MPC2: variants seen among roughly 807,000 people sequenced by gnomAD.
MPC2 encodes mitochondrial pyruvate carrier 2, also known as brain protein 44.
A neutral mutation model predicts 19.2 loss-of-function variants in MPC2; 19 were observed. The ratio of observed to expected loss-of-function variants is 0.99; its 90% CI spans 0.69 to 1.45. The LOEUF is 1.45. MPC2 is among the 40% of genes most tolerant of loss of function. The pLI, the probability that MPC2 is intolerant of heterozygous loss-of-function variation, is 0.00. For synonymous variants in MPC2, 61 were observed against 54.3 expected, an observed-to-expected ratio of 1.12 and a Z score of -0.54; for missense variants, 122 against 153.0, an observed-to-expected ratio of 0.80 and a Z score of 1.07.
chr1:167,925,496 T>C (rs12744081), intron 2 of MPC2, among the ~76,000 whole-genome samples: 3 of 138,512 alleles, frequency 2.2e-5, no homozygotes, highest in South Asian at 2.3e-4. Context: ...TACACACACA[T>C]ATATATATAC....
chr1:167,931,741 T>G (rs1424746151), intron 2 of MPC2, among the ~76,000 whole-genome samples: 1 of 152,124 alleles, frequency 6.6e-6, no homozygotes, highest in Non-Finnish European at 1.5e-5. Flanking sequence ...ATATTTGCAC[T>G]AAGTTGTATT....
intron 2 of MPC2, among the ~76,000 whole-genome samples, chr1:167,927,044 T>C (rs1271160754): frequency 6.6e-6 from 1 of 152,224 alleles, no homozygotes; most frequent in African/African-American, 2.4e-5. Context: ...CTTTTCTTAA[T>C]CTTCCTTGAC....
chr1:167,920,774 T>C (rs984116930), intron 3 of MPC2, 143 bp from the exon 4 acceptor site: 1 of 842,164 alleles, frequency 1.2e-6, no homozygotes. Flanking sequence ...AAAATGTAGA[T>C]TACAACAAAA....
At chr1:167,926,238 G>A (rs572578818) in intron 2 of MPC2, among the ~76,000 whole-genome samples, 2 of 152,314 alleles carry the variant, frequency 1.3e-5, no homozygotes, top group East Asian at 3.9e-4. Context: ...AACAGCTGGT[G>A]AGAGAATTTA....
chr1:167,936,953 G>A lies in MPC2; in HGVS notation c.-72C>T, dbSNP rs1363302741. The A allele has an allele frequency of 1.9e-6, 3 of 1,610,836 alleles. No individual in the cohort carries two copies. The highest frequency in any genetic ancestry group is 2.5e-6 in the Non-Finnish European group (3 of 1,179,194). On this transcript the variant is annotated 5_prime_UTR_variant, in exon 1 of 6. Coordinates refer to ENST00000271373, the MANE Select transcript of MPC2 (RefSeq NM_001143674.4). The stretch of plus-strand genomic sequence containing the variant: ...CCTACCCACACCTGTTGTGGGACGT[G>A]AGGAAAAGGTCCCTCGGGCTGGAGG...
intron 2 of MPC2, among the ~76,000 whole-genome samples, chr1:167,925,905 A>T (rs1670745689): frequency 6.6e-6 from 1 of 152,172 alleles, no homozygotes; most frequent in African/African-American, 2.4e-5. Context: ...CTGATACTTA[A>T]ATATTGATAA....
chr1:167,925,452 TATATATATATATATATATATATAC>T (rs202065373), intron 2 of MPC2, among the ~76,000 whole-genome samples: 1,331 of 112,538 alleles, frequency 0.012, 29 homozygotes, highest in East Asian at 0.061. Context: ...CATATATATA[TATATATATATATATATATATATAC>T]ATATACATAT....
In MPC2 at chr1:167,918,621, TCTCA is replaced by T. The variant is rs1457215528; in HGVS notation, c.348-266_348-263del. Among the ~76,000 whole-genome samples, 4 of 144,626 alleles carry T rather than the reference TCTCA, an allele frequency of 2.8e-5. No homozygotes were observed. In the Admixed American group the frequency reaches 2.8e-4, roughly 10 times the overall value. 94.9% of individuals were successfully genotyped at this position (144,626 alleles called of 152,430 possible). A position where few individuals can be genotyped will look rare whatever the true frequency, so the allele number is the denominator to read the frequency against. On this transcript the variant is annotated intron_variant, in intron 5 of 5. Transcript: ENST00000271373. The stretch of plus-strand genomic sequence containing the variant: ...TTTTTTTTTTTTTTTTGAGATGGAG[TCTCA>T]CTCTGTCGCCCAGGCTGGAGTGTAG...
intron 2 of MPC2, among the ~76,000 whole-genome samples, chr1:167,927,943 T>C (rs1670801777): frequency 6.6e-6 from 1 of 152,128 alleles, no homozygotes; most frequent in South Asian, 2.1e-4. Flanking sequence ...CAGTAGCCAA[T>C]ACATAAGGCC....
intron 2 of MPC2, among the ~76,000 whole-genome samples, chr1:167,928,040 T>C (rs1670803938): frequency 6.6e-6 from 1 of 151,932 alleles, no homozygotes; most frequent in Non-Finnish European, 1.5e-5. Flanking sequence ...GCAAACAGTG[T>C]TTTCTTAACT....
intron 2 of MPC2, among the ~76,000 whole-genome samples, chr1:167,927,841 A>G (rs1054906630): frequency 6.6e-6 from 1 of 152,244 alleles, no homozygotes; most frequent in Non-Finnish European, 1.5e-5. Flanking sequence ...ACCTGGACCA[A>G]GAGAGGTATT....
At position 167,936,918 on chromosome 1, in the gene MPC2, C is replaced by T. The variant is rs780002986; in HGVS notation, c.-58+21G>A. On this transcript the variant is annotated intron_variant, in intron 1 of 5. Transcript: ENST00000271373. The stretch of plus-strand genomic sequence containing the variant: ...ACCCGGCTCAGGCAGAGCCATGTCT[C>T]GGGGTGGCTCCTACCCACACCTGTT... The T allele has an allele frequency of 2.2e-5, 36 of 1,603,392 alleles. No individual in the cohort carries two copies. In the East Asian group the frequency reaches 3.6e-4, roughly 16 times the overall value.
At chr1:167,918,967 A>G (rs1670536053) in intron 5 of MPC2, among the ~76,000 whole-genome samples, 1 of 152,150 alleles carries the variant, frequency 6.6e-6, no homozygotes, top group South Asian at 2.1e-4. Context: ...AAATATTCTC[A>G]TTCTGGAATT....
rs1421256930 is a variant in MPC2, at chr1:167,917,548, A to C, written c.*775T>G. ...AGGAGGTAGGGTTTGCAGTGAGCCG[A>C]GATTGTGCCACTGCACTCCAGCCTG... On this transcript the variant is annotated 3_prime_UTR_variant, in exon 6 of 6. Coordinates refer to ENST00000271373, the MANE Select transcript of MPC2 (RefSeq NM_001143674.4). 6.7e-6 allele frequency: 1 copy of C among 148,394 alleles called. No homozygotes were observed. Among genetic ancestry groups the C allele is most frequent in the African/African-American group, 2.5e-5 (1 of 40,194 alleles). The allele number at this position is 148,394 out of a possible 1,614,324, so 9.2% of individuals were successfully genotyped here.
At chr1:167,919,059 G>A (rs571115804) in intron 5 of MPC2, among the ~76,000 whole-genome samples, 2 of 152,150 alleles carry the variant, frequency 1.3e-5, no homozygotes, top group South Asian at 2.1e-4. Context: ...ATTTATACTC[G>A]CAAAGCACCT....
At chr1:167,933,474 C>T (rs1253977552) in intron 2 of MPC2, among the ~76,000 whole-genome samples, 1 of 152,164 alleles carries the variant, frequency 6.6e-6, no homozygotes, top group Non-Finnish European at 1.5e-5. Flanking sequence ...GCTAAAAACA[C>T]ATTCTTGTTA....
chr1:167,936,942 T>C lies in MPC2; in HGVS notation c.-61A>G, dbSNP rs143132333. On this transcript the variant is annotated 5_prime_UTR_variant, in exon 1 of 6. Coordinates refer to ENST00000271373, the MANE Select transcript of MPC2 (RefSeq NM_001143674.4). ...TCGGGGTGGCTCCTACCCACACCTGTTGTGGGACGTGAGGAAAAGGTCCCT... is the reference window on the plus strand; with the variant it reads ...TCGGGGTGGCTCCTACCCACACCTGCTGTGGGACGTGAGGAAAAGGTCCCT... 9.3e-5 allele frequency: 150 copies of C among 1,609,310 alleles called. 1 individual carries two copies. The African/African-American group carries it at 1.6e-3, about 18-fold the overall frequency.
rs1275234555 is a variant in MPC2, at chr1:167,925,434, CATATACACATATATATATATAT to C, written c.110-919_110-898del. Among the ~76,000 whole-genome samples the C allele has an allele frequency of 5.5e-5, 4 of 72,746 alleles. 1 individual carries two copies. The highest frequency in any genetic ancestry group is 8.0e-5 in the Non-Finnish European group (3 of 37,604). The allele number at this position is 72,746 out of a possible 152,430, so 47.7% of individuals were successfully genotyped here. On this transcript the variant is annotated intron_variant, in intron 2 of 5. Transcript: ENST00000271373. ...TGTGTATATATAATATACAGATATA[CATATACACATATATATATATAT>C]ATATATATATATATATATACATATA...
intron 1 of MPC2, 76 bp downstream of exon 1, chr1:167,936,863 C>CCCCAA: frequency 8.7e-7 from 1 of 1,145,832 alleles, no homozygotes; most frequent in Non-Finnish European, 1.3e-6. Flanking sequence ...TCCCCCTCCT[C>CCCCAA]CCCTCCCCCA....
Sources: gnomAD v4.1 joint callset for allele counts (sites outside exome capture counted in the v4.1 genomes callset) on GRCh38, gnomAD v4.1.1 for gene constraint, MANE v1.5 for transcripts, NCBI Gene and HGNC (gene_info 2026-07-23, HGNC 2026-07-21) for gene names.